Variants in SHANK2 observed in about 807,000 individuals in gnomAD.
SHANK2 encodes SH3 and multiple ankyrin repeat domains 2, also known as SH3 and multiple ankyrin repeat domains protein 2.
SHANK2 carries 43 observed loss-of-function variants against 133.7 expected under a neutral mutation model. The ratio of observed to expected loss-of-function variants is 0.32; its 90% confidence interval spans 0.25 to 0.41. The LOEUF (loss-of-function observed/expected upper bound fraction) is 0.41, where lower values mean the gene tolerates loss of function less well. SHANK2 is among the 10% of genes least tolerant of loss of function. The pLI is 1.00. For missense variants in SHANK2, 1,994 were observed against 2,235.8 expected (o/e 0.89, Z 2.18); for synonymous variants, 1,017 against 952.8 (o/e 1.07, Z -1.24).
At chr11:70,788,869 T>A (rs1947725689) in intron 14 of SHANK2, among the ~76,000 whole-genome samples, 1 of 152,126 alleles carries the variant, frequency 6.6e-6, no homozygotes, top group Non-Finnish European at 1.5e-5. Flanking sequence ...TGCTCTCAGG[T>A]CGATTTCTGG....
rs147309869 is a variant in SHANK2, at chr11:71,195,999, T to C, written c.-13+28698A>G. 6.7e-3 allele frequency among the ~76,000 whole-genome samples: 1,024 copies of C among 152,002 alleles called. 10 individuals carry two copies. The highest frequency in any genetic ancestry group is 0.024 in the African/African-American group (982 of 41,448). ...GAGTTCGGGACCAGCCTGAGCAACA[T>C]AGCGAGACCCTGTCTCTACAAAAAT... On this transcript the variant is annotated intron_variant, in intron 2 of 25. Coordinates refer to ENST00000601538, the MANE Select transcript of SHANK2 (RefSeq NM_012309.5).
chr11:70,930,733 C>T, intron 10 of SHANK2, among the ~76,000 whole-genome samples: 1 of 143,018 alleles, frequency 7.0e-6, no homozygotes, highest in South Asian at 2.3e-4. Flanking sequence ...TGTAGTGGCA[C>T]AATCATGGCT....
At chr11:71,246,219 T>C (rs916582486) in intron 1 of SHANK2, among the ~76,000 whole-genome samples, 12 of 151,810 alleles carry the variant, frequency 7.9e-5, no homozygotes, top group African/African-American at 2.9e-4. Context: ...CTGCACCCCA[T>C]TCCTTGGGCC....
chr11:70,655,257 A>C (rs2061392812), intron 17 of SHANK2, among the ~76,000 whole-genome samples: 1 of 152,252 alleles, frequency 6.6e-6, no homozygotes, highest in Non-Finnish European at 1.5e-5. Context: ...TTTGAAAATA[A>C]AACAGTCACC....
At chr11:70,565,242 T>TCCAA (rs1554981651) in intron 17 of SHANK2, among the ~76,000 whole-genome samples, 1 of 151,496 alleles carries the variant, frequency 6.6e-6, no homozygotes, top group Non-Finnish European at 1.5e-5. Flanking sequence ...CATCCATCCA[T>TCCAA]CCATCCATTT....
At chr11:71,167,772 C>A in intron 2 of SHANK2, among the ~76,000 whole-genome samples, 1 of 140,872 alleles carries the variant, frequency 7.1e-6, no homozygotes, top group African/African-American at 2.7e-5. Context: ...ACCTCCCGGA[C>A]GGGGCGGCTG....
intron 10 of SHANK2, among the ~76,000 whole-genome samples, chr11:70,898,415 T>C (rs1168247602): frequency 6.6e-6 from 1 of 152,030 alleles, no homozygotes. Flanking sequence ...TGGAACTGGG[T>C]AATGATTACA....
chr11:70,562,511 A>C (rs1019536297), intron 17 of SHANK2, among the ~76,000 whole-genome samples: 3 of 152,228 alleles, frequency 2.0e-5, no homozygotes, highest in African/African-American at 7.2e-5. Context: ...CTTTTACCAT[A>C]ATGAAATAAC....
intron 14 of SHANK2, among the ~76,000 whole-genome samples, chr11:70,768,555 C>T (rs1366112113): frequency 6.6e-6 from 1 of 152,050 alleles, no homozygotes; most frequent in Non-Finnish European, 1.5e-5. Flanking sequence ...GGAGTGAGGG[C>T]CGGAAGGAGG....
intron 10 of SHANK2, among the ~76,000 whole-genome samples, chr11:70,913,947 C>T (rs1370820979): frequency 1.3e-5 from 2 of 152,246 alleles, no homozygotes; most frequent in Non-Finnish European, 2.9e-5. Flanking sequence ...GGGAAAGCAG[C>T]TGGCATCAGG....
Position 70,807,019 on chromosome 11 carries a change from C to T in SHANK2, c.1646G>A (p.Arg549His), listed in dbSNP as rs377433895. 7 of 717,558 alleles carry T rather than the reference C, an allele frequency of 9.8e-6. No homozygotes were observed. The highest frequency in any genetic ancestry group is 1.6e-5 in the Non-Finnish European group (6 of 384,870). The allele number at this position is 717,558 out of a possible 1,614,324, so 44.4% of individuals were successfully genotyped here. A position where few individuals can be genotyped will look rare whatever the true frequency, so the allele number is the denominator to read the frequency against. Reference sequence around the variant, plus strand: ...ACACTGACCTTTGACCCTGTCACCGCGGTGAAGGGGGATCTCGCCGTCCAC... The same window carrying T: ...ACACTGACCTTTGACCCTGTCACCGTGGTGAAGGGGGATCTCGCCGTCCAC... ...PQVDGEIPLHRGDRVKVLSIG... is the reference protein window; with the variant it reads ...PQVDGEIPLHHGDRVKVLSIG... The change falls in exon 13 of 26, where the codon CGC becomes CAC. Residue 549 changes from arginine to histidine, a missense_variant. Around this residue, in one of 5 missense-constraint regions of SHANK2, gnomAD observed 653 missense variants for 563.4 expected, o/e 1.16. Coordinates refer to ENST00000601538, the MANE Select transcript of SHANK2 (RefSeq NM_012309.5). This position sits in a 1 kb window ranked among gnomAD's most constrained non-coding sequence, Gnocchi z 4.8.
chr11:70,741,569 T>C (rs1251331638), intron 14 of SHANK2, among the ~76,000 whole-genome samples: 2 of 152,216 alleles, frequency 1.3e-5, no homozygotes, highest in African/African-American at 4.8e-5. Flanking sequence ...TTGGAGGTAC[T>C]GCCTACTCAT....
chr11:70,891,389 C>T (rs1949843346), intron 11 of SHANK2, among the ~76,000 whole-genome samples: 1 of 152,098 alleles, frequency 6.6e-6, no homozygotes, highest in African/African-American at 2.4e-5. Context: ...GTAGTCCCAG[C>T]TACTCCGGAG....
chr11:70,792,965 G>T (rs1255315859), intron 14 of SHANK2, among the ~76,000 whole-genome samples: 3 of 152,046 alleles, frequency 2.0e-5, no homozygotes, highest in Admixed American at 6.6e-5. Context: ...TAAGGCAGGA[G>T]AATCATTTGA....
chr11:70,810,740 C>T (rs550763907), intron 12 of SHANK2, among the ~76,000 whole-genome samples: 15 of 152,174 alleles, frequency 9.9e-5, no homozygotes, highest in Non-Finnish European at 2.2e-4. Flanking sequence ...CGAATCCCCA[C>T]CACCTGTGGT....
intron 2 of SHANK2, among the ~76,000 whole-genome samples, chr11:71,196,517 C>T (rs1214038247): frequency 6.6e-6 from 1 of 151,968 alleles, no homozygotes; most frequent in East Asian, 2.0e-4. Context: ...AATTCTGGGC[C>T]TCATGATCCA....
intron 17 of SHANK2, among the ~76,000 whole-genome samples, chr11:70,532,358 C>G (rs1468536212): frequency 6.6e-6 from 1 of 152,162 alleles, no homozygotes; most frequent in Non-Finnish European, 1.5e-5. Flanking sequence ...CTCTGCCCCC[C>G]ATGCTGTGCA....
chr11:71,173,250 CG>C (rs1215849120), intron 2 of SHANK2, among the ~76,000 whole-genome samples: 2 of 152,154 alleles, frequency 1.3e-5, no homozygotes, highest in Non-Finnish European at 2.9e-5. Flanking sequence ...CAAGATGAAA[CG>C]GAAGAGGGAA....
intron 14 of SHANK2, among the ~76,000 whole-genome samples, chr11:70,787,278 T>TCACCACCACCACCACCACCACCAC (rs1947684667): frequency 7.6e-6 from 1 of 130,792 alleles, no homozygotes; most frequent in African/African-American, 2.9e-5. Context: ...ATCACCACCA[T>TCACCACCACCACCACCACCACCAC]CATCACCATG....
Sources: gnomAD v4.1 joint callset for allele counts (sites outside exome capture counted in the v4.1 genomes callset) on GRCh38, gnomAD v4.1.1 for gene constraint, gnomAD v4.1.1 regional missense constraint, Gnocchi (gnomAD v3.1) non-coding constraint, MANE v1.5 for transcripts, NCBI Gene and HGNC (gene_info 2026-07-23, HGNC 2026-07-21) for gene names.